The following CCDC14 variants were observed in gnomAD, a reference collection of about 807,000 sequenced individuals.
CCDC14 encodes coiled-coil domain-containing protein 14.
A neutral mutation model predicts 81.4 loss-of-function variants in CCDC14; 71 were observed. That is an observed-to-expected ratio of 0.87 (90% CI 0.72 to 1.06). The LOEUF is 1.06. Ranked by LOEUF, CCDC14 falls within the 50% of genes least tolerant of loss-of-function variation. The pLI is 0.00. For synonymous variants in CCDC14, 332 were observed against 364.8 expected (o/e 0.91, Z 1.03); for missense variants, 1,046 against 1,047.3 (o/e 1.00, Z 0.02).
intron 12 of CCDC14, among the ~76,000 whole-genome samples, chr3:123,919,575 G>C (rs2034918773): frequency 6.6e-6 from 1 of 152,186 alleles, no homozygotes; most frequent in South Asian, 2.1e-4. Context: ...CCAGTCAGTG[G>C]CCTCACTGGT....
In CCDC14 at chr3:123,931,520, G is replaced by C. The variant is rs1175439155; in HGVS notation, c.1433C>G (p.Ser478Cys). ...GAVDCNLELF[S>C]LQSLNMSLQN... ...CAGTGACATATTCAATGACTGAAGAGAAAACACTGTTAAGACAAAATGGAT... is the reference window on the plus strand; with the variant it reads ...CAGTGACATATTCAATGACTGAAGACAAAACACTGTTAAGACAAAATGGAT... The change falls in exon 11 of 13, where the codon TCT becomes TGT. Residue 478 changes from serine to cysteine, a missense_variant. Transcript: ENST00000409697. 1.3e-6 allele frequency: 2 copies of C among 1,510,844 alleles called. No individual in the cohort carries two copies. Among genetic ancestry groups the C allele is most frequent in the Non-Finnish European group, 8.9e-7 (1 of 1,125,714 alleles). 93.6% of individuals were successfully genotyped at this position (1,510,844 alleles called of 1,614,324 possible).
At chr3:123,946,257 A>G (rs898068178) in intron 8 of CCDC14, among the ~76,000 whole-genome samples, 2 of 152,054 alleles carry the variant, frequency 1.3e-5, no homozygotes, top group African/African-American at 4.8e-5. Context: ...TAGAATACAT[A>G]TACAGAATGG....
At chr3:123,931,566 CT>C in intron 10 of CCDC14, 40 bp from the exon 11 acceptor site, 1 of 1,090,182 alleles carries the variant, frequency 9.2e-7, no homozygotes, top group South Asian at 1.7e-5. Flanking sequence ...TTTCCCAAAC[CT>C]AAAAAGTACA....
intron 12 of CCDC14, among the ~76,000 whole-genome samples, chr3:123,918,426 TG>T (rs2034837258): frequency 6.6e-6 from 1 of 152,226 alleles, no homozygotes; most frequent in Non-Finnish European, 1.5e-5. Flanking sequence ...AAGAGTTTCC[TG>T]GCTCTGGTCC....
chr3:123,943,992 C>G (rs1167325034), intron 9 of CCDC14, among the ~76,000 whole-genome samples: 2 of 152,142 alleles, frequency 1.3e-5, no homozygotes, highest in Non-Finnish European at 1.5e-5. Flanking sequence ...TATAGCCAAT[C>G]AGTCAGAAAC....
intron 1 of CCDC14, among the ~76,000 whole-genome samples, chr3:123,960,567 T>C (rs1356064950): frequency 6.6e-6 from 1 of 152,222 alleles, no homozygotes; most frequent in Non-Finnish European, 1.5e-5. Context: ...TTCTATGTAA[T>C]ACATAAAAGC....
chr3:123,888,074 A>T, the CCDC14 span, among the ~76,000 whole-genome samples: 1 of 152,116 alleles, frequency 6.6e-6, no homozygotes, highest in Non-Finnish European at 1.5e-5. Flanking sequence ...TCCAAAAAAA[A>T]ATAAAAAATA....
rs200601158 is a variant in CCDC14, at chr3:123,946,920, G to C, written c.1084C>G (p.Arg362Gly). 1 of 1,613,622 alleles carries C rather than the reference G, an allele frequency of 6.2e-7. No homozygotes were observed. The highest frequency in any genetic ancestry group is 2.2e-5 in the East Asian group (1 of 44,894). Residue 362 changes from arginine to glycine, a missense_variant, in exon 8 of 13, where the codon CGA becomes GGA. Arg to Gly is a moderately radical substitution (Grantham distance 125). Transcript: ENST00000409697. ...SERKDLNIHV[R>G]DTKTVKDVQK... ...ACATCCTTCACTGTTTTTGTATCTC[G>C]CACATGTATGTTTAAATCCTTTCTT...
rs1349648359 is a variant in CCDC14 at position 123,933,122 on chromosome 3, AAACAAAC to A, written c.1426+544_1426+550del. Among the ~76,000 whole-genome samples, 63 of 138,210 alleles carry A rather than the reference AAACAAAC, an allele frequency of 4.6e-4. No homozygotes were observed. The South Asian group carries it at 0.01, about 23-fold the overall frequency. 90.7% of individuals were successfully genotyped at this position (138,210 alleles called of 152,430 possible). A position where few individuals can be genotyped will look rare whatever the true frequency, so the allele number is the denominator to read the frequency against. On this transcript the variant is annotated intron_variant, in intron 10 of 12. Coordinates refer to ENST00000409697, the MANE Select transcript of CCDC14 (RefSeq NM_001366335.1). ...AAAACAAACAAACAAACAAACAAACAAACAAACAAAGCTGACATATATGCACAAAGAC... is the reference window on the plus strand; with the variant it reads ...AAAACAAACAAACAAACAAACAAACAAAAGCTGACATATATGCACAAAGAC...
At chr3:123,891,228 A>G in the CCDC14 span, among the ~76,000 whole-genome samples, 4,927 of 152,278 alleles carry the variant, frequency 0.032, 253 homozygotes, top group African/African-American at 0.11. Flanking sequence ...GGCTGCCACA[A>G]AGGTCTCTGA....
At chr3:123,936,126 A>T (rs1379658695) in intron 9 of CCDC14, among the ~76,000 whole-genome samples, 1 of 152,106 alleles carries the variant, frequency 6.6e-6, no homozygotes, top group East Asian at 1.9e-4. Flanking sequence ...CCCATATTTT[A>T]AAAAAATTCC....
chr3:123,888,064 T>A, the CCDC14 span, among the ~76,000 whole-genome samples: 1 of 151,980 alleles, frequency 6.6e-6, no homozygotes, highest in South Asian at 2.1e-4. Context: ...AATGTTTAAT[T>A]CCAAAAAAAA....
At chr3:123,949,396 C>A (rs1475608354) in intron 5 of CCDC14, 1 of 427,052 alleles carries the variant, frequency 2.3e-6, no homozygotes, top group Non-Finnish European at 4.2e-6. Context: ...TTTGTAAAAT[C>A]TCTCCTTCAT....
intron 5 of CCDC14, among the ~76,000 whole-genome samples, chr3:123,951,693 C>T (rs903541034): frequency 6.6e-6 from 1 of 152,176 alleles, no homozygotes; most frequent in East Asian, 1.9e-4. Flanking sequence ...GTCACAGCAT[C>T]AGGCTCTCAT....
rs766553890 is a variant in CCDC14, at chr3:123,947,335, A to G, written c.685-16T>C. The G allele has an allele frequency of 6.9e-6, 11 of 1,587,638 alleles. No individual in the cohort carries two copies. The highest frequency in any genetic ancestry group is 8.6e-6 in the Non-Finnish European group (10 of 1,166,708). ...TTTGAACTTCCTAAAGAAAGATAAAAACAAGTCTTCAGAAGTATGAGCACT... is the reference window on the plus strand; with the variant it reads ...TTTGAACTTCCTAAAGAAAGATAAAGACAAGTCTTCAGAAGTATGAGCACT... On this transcript the variant is annotated splice_polypyrimidine_tract_variant and intron_variant, in intron 7 of 12. Transcript: ENST00000409697.
At position 123,913,671 on chromosome 3, in the gene CCDC14, TAAA is replaced by T. The variant is rs538122071; in HGVS notation, c.*1105_*1107del. On this transcript the variant is annotated 3_prime_UTR_variant, in exon 13 of 13. Transcript: ENST00000409697. ...CTTCAAACGCTGTAGCACTAACACC[TAAA>T]AAAAAAAAAAAAACCACCAAAAAAA... The T allele has an allele frequency of 1.4e-5, 13 of 906,494 alleles. No homozygotes were observed. The highest frequency in any genetic ancestry group is 7.7e-5 in the Admixed American group (1 of 12,986). 56.2% of individuals were successfully genotyped at this position (906,494 alleles called of 1,614,324 possible).
At chr3:123,935,900 C>G (rs1365834104) in intron 9 of CCDC14, among the ~76,000 whole-genome samples, 1 of 152,122 alleles carries the variant, frequency 6.6e-6, no homozygotes, top group Admixed American at 6.6e-5. Context: ...GGGACAAACA[C>G]AGTCATCCTT....
rs1559762219 is a variant in CCDC14 at position 123,915,385 on chromosome 3, G to T, written c.2112C>A (p.Ala704=). ...CTTCATCAGAATCCTGTTTTGAAAG[G>T]GCAGAAATAATTCCAGGTGCAGATG... ...EEASAPGIIS[A]LSKQDSDEGS... Residue 704 remains alanine, a synonymous_variant, in exon 13 of 13, where the codon GCC becomes GCA. Coordinates refer to ENST00000409697, the MANE Select transcript of CCDC14 (RefSeq NM_001366335.1). The T allele has an allele frequency of 6.2e-7, 1 of 1,613,588 alleles. No individual in the cohort carries two copies.
chr3:123,958,146 C>T (rs2037448249), intron 1 of CCDC14: 1 of 152,108 alleles, frequency 6.6e-6, no homozygotes, highest in South Asian at 2.1e-4. Context: ...CCTTGTATAA[C>T]ATCACACCAC....
Sources: gnomAD v4.1 joint callset for allele counts (sites outside exome capture counted in the v4.1 genomes callset) on GRCh38, gnomAD v4.1.1 for gene constraint, MANE v1.5 for transcripts, NCBI Gene and HGNC (gene_info 2026-07-23, HGNC 2026-07-21) for gene names.